Variants in ANTXR1 observed in about 807,000 individuals in gnomAD.
ANTXR1 encodes the protein ANTXR cell adhesion molecule 1.
A neutral mutation model predicts 78.1 loss-of-function variants in ANTXR1; 19 were observed. The ratio of observed to expected loss-of-function variants is 0.24; its 90% CI spans 0.17 to 0.36. The LOEUF (loss-of-function observed/expected upper bound fraction) is 0.36. Among genes scored for constraint, ANTXR1 ranks in the 10% least tolerant of loss-of-function variants. The probability of loss-of-function intolerance (pLI) is 1.00; values close to 1 mark genes in which losing one functional copy is unlikely to be tolerated. For missense variants in ANTXR1, 518 were observed against 718.6 expected (o/e 0.72, Z 3.19); for synonymous variants, 273 against 260.5 (o/e 1.05, Z -0.46).
intron 17 of ANTXR1, among the ~76,000 whole-genome samples, chr2:69,210,955 A>T (rs1286823282): frequency 6.6e-6 from 1 of 151,646 alleles, no homozygotes; most frequent in Non-Finnish European, 1.5e-5. Context: ...AAAAAAAAAA[A>T]AGAACCAGAT....
chr2:69,196,527 G>C (rs1250898418), intron 17 of ANTXR1, among the ~76,000 whole-genome samples: 3 of 152,174 alleles, frequency 2.0e-5, no homozygotes, highest in Admixed American at 6.5e-5. Context: ...GGCAGGGGGG[G>C]CAATATTGTA....
chr2:69,232,498 C>CAA (rs757638057), intron 17 of ANTXR1, among the ~76,000 whole-genome samples: 91 of 92,020 alleles, frequency 9.9e-4, no homozygotes, highest in Middle Eastern at 6.4e-3. Flanking sequence ...AGCTTGTCTC[C>CAA]AAAAAAAAAA....
intron 10 of ANTXR1, among the ~76,000 whole-genome samples, chr2:69,106,250 G>T (rs1385200869): frequency 6.6e-6 from 1 of 152,150 alleles, no homozygotes; most frequent in African/African-American, 2.4e-5. Context: ...CCTTGCATTT[G>T]CTTAAAAAAT....
intron 17 of ANTXR1, among the ~76,000 whole-genome samples, chr2:69,244,977 T>C (rs1271387121): frequency 6.6e-6 from 1 of 152,178 alleles, no homozygotes; most frequent in Non-Finnish European, 1.5e-5. Flanking sequence ...AAGGTCAGTC[T>C]CATTCCCTTT....
At chr2:69,226,873 G>C (rs548730114) in intron 17 of ANTXR1, among the ~76,000 whole-genome samples, 126 of 152,108 alleles carry the variant, frequency 8.3e-4, no homozygotes, top group African/African-American at 3.0e-3. Flanking sequence ...TCCTCTTACA[G>C]TCTCAATATG....
intron 3 of ANTXR1, among the ~76,000 whole-genome samples, chr2:69,049,604 C>G (rs530083139): frequency 6.6e-6 from 1 of 152,320 alleles, no homozygotes; most frequent in African/African-American, 2.4e-5. Flanking sequence ...GCCACCACAT[C>G]TGCCTTCTTA....
chr2:69,119,203 GCCAGGCGCTAAC>G (rs767469023), intron 10 of ANTXR1, among the ~76,000 whole-genome samples: 30 of 152,214 alleles, frequency 2.0e-4, no homozygotes, highest in Non-Finnish European at 2.5e-4. Flanking sequence ...CGGAAGTGAG[GCCAGGCGCTAAC>G]CCAGGAGCAG....
chr2:69,193,272 C>T (rs765890828), intron 16 of ANTXR1, 63 bp from the exon 17 acceptor site: 273 of 1,452,322 alleles, frequency 1.9e-4, no homozygotes, highest in Non-Finnish European at 2.5e-4. Context: ...GTTCTGTGAG[C>T]CTACGGCGGC....
intron 8 of ANTXR1, among the ~76,000 whole-genome samples, chr2:69,081,108 G>A (rs2104248002): frequency 6.6e-6 from 1 of 152,262 alleles, no homozygotes; most frequent in African/African-American, 2.4e-5. Flanking sequence ...CCTCTGCCAG[G>A]CACTTAACCA....
chr2:69,210,261 C>T (rs1369508472), intron 17 of ANTXR1, among the ~76,000 whole-genome samples: 1 of 152,200 alleles, frequency 6.6e-6, no homozygotes, highest in African/African-American at 2.4e-5. Flanking sequence ...GCCCAGAAGA[C>T]AAAATGAAAC....
At chr2:69,119,713 C>G (rs1440155946) in intron 10 of ANTXR1, among the ~76,000 whole-genome samples, 1 of 152,224 alleles carries the variant, frequency 6.6e-6, no homozygotes, top group Non-Finnish European at 1.5e-5. Context: ...AAACGAAGCA[C>G]AGCTTCTATC....
intron 12 of ANTXR1, among the ~76,000 whole-genome samples, chr2:69,150,452 C>T (rs1372938064): frequency 6.6e-6 from 1 of 152,284 alleles, no homozygotes; most frequent in Admixed American, 6.5e-5. Context: ...TGAGCTCTAA[C>T]ACCAAAGTGG....
chr2:69,124,616 T>TTCTG lies in ANTXR1; in HGVS notation c.927_930dup (p.Ile311CysfsTer10). 1 of 1,614,242 alleles carries TTCTG rather than the reference T, an allele frequency of 6.2e-7. No homozygotes were observed. Among genetic ancestry groups the TTCTG allele is most frequent in the Non-Finnish European group, 8.5e-7 (1 of 1,180,038 alleles). ...ACGATGGCCTCTCTTTTATCTCCAG[T>TTCTG]TCTGTCATCATCACCACCACACACT... is the stretch of plus-strand genomic sequence containing the variant. On this transcript the variant is annotated frameshift_variant, in exon 12 of 18. Coordinates refer to ENST00000303714, the MANE Select transcript of ANTXR1 (RefSeq NM_032208.3). LOFTEE classifies it high-confidence loss of function.
At chr2:69,034,178 G>A (rs879630248) in intron 1 of ANTXR1, among the ~76,000 whole-genome samples, 2 of 152,186 alleles carry the variant, frequency 1.3e-5, no homozygotes, top group African/African-American at 2.4e-5. Flanking sequence ...AGAGAGCATA[G>A]TAAAACAAAA....
rs796701298 is a variant in ANTXR1, at chr2:69,112,217, C to A, written c.802+9277C>A. On this transcript the variant is annotated intron_variant, in intron 10 of 17. Transcript: ENST00000303714. ...TCTGCACCAGGTGCTGGGCCAAGCA[C>A]CCTCCTGTATTATCTCATTTCATCA... 4.6e-5 allele frequency among the ~76,000 whole-genome samples: 7 copies of A among 152,126 alleles called. 1 individual carries two copies. The South Asian group carries it at 1.0e-3, about 23-fold the overall frequency.
chr2:69,049,286 G>GT (rs1236244588), intron 3 of ANTXR1, among the ~76,000 whole-genome samples: 1 of 151,998 alleles, frequency 6.6e-6, no homozygotes, highest in Non-Finnish European at 1.5e-5. Context: ...TTTCTAACAG[G>GT]TTTTTTGTTG....
chr2:69,125,799 C>T (rs1672515186), intron 12 of ANTXR1, among the ~76,000 whole-genome samples: 1 of 152,032 alleles, frequency 6.6e-6, no homozygotes, highest in Non-Finnish European at 1.5e-5. Context: ...TGAGATTGCA[C>T]CACTGCACTC....
intron 12 of ANTXR1, among the ~76,000 whole-genome samples, chr2:69,127,675 T>C (rs921321294): frequency 6.6e-6 from 1 of 152,100 alleles, no homozygotes; most frequent in Non-Finnish European, 1.5e-5. Flanking sequence ...GGGAGGGCAA[T>C]GGAGGTGGAG....
chr2:69,176,019 G>C (rs1196020305), intron 14 of ANTXR1, among the ~76,000 whole-genome samples: 1 of 151,608 alleles, frequency 6.6e-6, no homozygotes, highest in Middle Eastern at 3.2e-3. Context: ...AGGGATGAAG[G>C]GCCAAGCTAC....
Sources: allele counts gnomAD v4.1 joint callset (sites outside exome capture counted in the v4.1 genomes callset), GRCh38; gene constraint gnomAD v4.1.1; transcripts MANE v1.5; gene names NCBI Gene and HGNC (gene_info 2026-07-23, HGNC 2026-07-21).